ADGRL4: variants seen among roughly 807,000 people sequenced by gnomAD.
ADGRL4 encodes the protein EGF, latrophilin and seven transmembrane domain containing 1.
In ADGRL4, 90 loss-of-function variants were observed where a neutral mutation model predicts 74.8. The observed-to-expected ratio is 1.20, with a 90% confidence interval of 1.02 to 1.43. The LOEUF is 1.43. ADGRL4 is among the 40% of genes most tolerant of loss of function. The pLI, the probability that ADGRL4 is intolerant of heterozygous loss-of-function variation, is 0.00. For missense variants in ADGRL4, 881 were observed against 814.3 expected (o/e 1.08, Z -1.00); for synonymous variants, 311 against 279.2 (o/e 1.11, Z -1.14).
chr1:78,969,155 C>A (rs571949485), intron 2 of ADGRL4, among the ~76,000 whole-genome samples: 1 of 152,184 alleles, frequency 6.6e-6, no homozygotes, highest in Admixed American at 6.5e-5. Flanking sequence ...ATATTTGTCT[C>A]TCTTTCTCCC....
rs575489706 is a variant in ADGRL4, at chr1:78,996,979, A to G, written c.172+8091T>C. ...GAGTCACAAAATGAGTTTGAGTTCA[A>G]TCAAATGAAGCAGAGGTTCTGCAAC... On this transcript the variant is annotated intron_variant, in intron 2 of 14. Transcript: ENST00000370742. Among the ~76,000 whole-genome samples the G allele has an allele frequency of 2.6e-5, 4 of 152,312 alleles. No individual in the cohort carries two copies. In the East Asian group the frequency reaches 7.7e-4, roughly 29 times the overall value.
intron 2 of ADGRL4, among the ~76,000 whole-genome samples, chr1:79,002,102 C>T (rs1291817321): frequency 6.6e-6 from 1 of 151,836 alleles, no homozygotes; most frequent in Non-Finnish European, 1.5e-5. Flanking sequence ...CTGAAGAATT[C>T]CACTTAACGT....
At chr1:78,969,348 T>C (rs1650123498) in intron 2 of ADGRL4, among the ~76,000 whole-genome samples, 1 of 152,196 alleles carries the variant, frequency 6.6e-6, no homozygotes, top group South Asian at 2.1e-4. Flanking sequence ...AAGTTCAACT[T>C]GCAGAGCTGA....
intron 2 of ADGRL4, among the ~76,000 whole-genome samples, chr1:78,968,517 G>A (rs1200789502): frequency 8.2e-6 from 1 of 121,336 alleles, no homozygotes; most frequent in African/African-American, 3.0e-5. Flanking sequence ...GGGGTGGGGG[G>A]GAGACGGGGG....
In ADGRL4 at chr1:78,946,308, G is replaced by T; in HGVS notation, c.291C>A (p.Asp97Glu). 1 of 1,613,100 alleles carries T rather than the reference G, an allele frequency of 6.2e-7. No homozygotes were observed. Among genetic ancestry groups the T allele is most frequent in the Non-Finnish European group, 8.5e-7 (1 of 1,179,504 alleles). ...CGGTTCCATCATTAGTGATAAACCT[G>T]TCTTGGTTACTGCTGGATCTGAAGC... ...VPGFRSSSNQ[D>E]RFITNDGTVC... Residue 97 changes from aspartate to glutamate, a missense_variant, in exon 3 of 15, where the codon GAC becomes GAA. By Grantham distance (45) the Asp-to-Glu change is conservative. Coordinates refer to ENST00000370742, the MANE Select transcript of ADGRL4 (RefSeq NM_022159.4).
chr1:78,915,135 A>G (rs568356155), intron 12 of ADGRL4, among the ~76,000 whole-genome samples: 2 of 151,950 alleles, frequency 1.3e-5, no homozygotes, highest in Admixed American at 1.3e-4. Context: ...AGAATAGCTC[A>G]AGTCTTTGAG....
chr1:78,906,821 G>A (rs1648652341), intron 12 of ADGRL4, among the ~76,000 whole-genome samples: 1 of 151,656 alleles, frequency 6.6e-6, no homozygotes, highest in Non-Finnish European at 1.5e-5. Context: ...TAAATTCAAA[G>A]GTATATCTAA....
chr1:78,946,671 T>G (rs1649607742), intron 2 of ADGRL4, among the ~76,000 whole-genome samples: 1 of 152,294 alleles, frequency 6.6e-6, no homozygotes, highest in Admixed American at 6.5e-5. Flanking sequence ...ATATAACTAT[T>G]AAATCTATAT....
intron 2 of ADGRL4, among the ~76,000 whole-genome samples, chr1:78,982,751 C>A (rs1650421894): frequency 6.6e-6 from 1 of 151,682 alleles, no homozygotes; most frequent in South Asian, 2.1e-4. Flanking sequence ...TGAGGACAAA[C>A]ATAAATAGAA....
intron 12 of ADGRL4, among the ~76,000 whole-genome samples, chr1:78,909,347 A>G (rs1440332386): frequency 6.6e-6 from 1 of 151,936 alleles, no homozygotes; most frequent in Non-Finnish European, 1.5e-5. Flanking sequence ...AAGATACTTA[A>G]CATCCATGTC....
intron 10 of ADGRL4, among the ~76,000 whole-genome samples, chr1:78,919,446 AGGTAACGTTG>A (rs1648950373): frequency 6.6e-6 from 1 of 151,922 alleles, no homozygotes; most frequent in Non-Finnish European, 1.5e-5. Context: ...TTCCCCTGAC[AGGTAACGTTG>A]GCTCAAGGAC....
At chr1:78,905,626 T>C (rs1414569087) in intron 12 of ADGRL4, among the ~76,000 whole-genome samples, 1 of 152,018 alleles carries the variant, frequency 6.6e-6, no homozygotes, top group Non-Finnish European at 1.5e-5. Context: ...GCCATGCTCA[T>C]TGATGACTCC....
At chr1:78,910,533 A>G (rs1241552962) in intron 12 of ADGRL4, among the ~76,000 whole-genome samples, 2 of 151,860 alleles carry the variant, frequency 1.3e-5, no homozygotes, top group Non-Finnish European at 2.9e-5. Flanking sequence ...AGCAAATGCT[A>G]TTCTTCAATG....
At chr1:78,924,724 C>G (rs1370637249) in intron 8 of ADGRL4, among the ~76,000 whole-genome samples, 3 of 152,050 alleles carry the variant, frequency 2.0e-5, no homozygotes, top group African/African-American at 7.2e-5. Context: ...TTTATTAACA[C>G]CAGGGAAATG....
intron 4 of ADGRL4, 117 bp from the exon 5 acceptor site, chr1:78,938,396 T>C (rs1397208257): frequency 5.8e-6 from 4 of 688,760 alleles, no homozygotes; most frequent in Non-Finnish European, 9.0e-6. Flanking sequence ...TACACATAAA[T>C]AATATCAAAC....
At chr1:78,946,482 T>G (rs964815745) in intron 2 of ADGRL4, 56 bp from the exon 3 acceptor site, 6 of 1,439,570 alleles carry the variant, frequency 4.2e-6, no homozygotes, top group Non-Finnish European at 9.4e-7. Flanking sequence ...AAATTTTGAC[T>G]ATTTTCCATC....
At chr1:78,936,205 G>A in intron 7 of ADGRL4, 90 bp downstream of exon 7, 1 of 1,320,962 alleles carries the variant, frequency 7.6e-7, no homozygotes, top group South Asian at 1.4e-5. Flanking sequence ...GAAACCACAT[G>A]TTACATGTAC....
At chr1:78,931,934 T>G (rs1649250754) in intron 7 of ADGRL4, among the ~76,000 whole-genome samples, 1 of 151,418 alleles carries the variant, frequency 6.6e-6, no homozygotes, top group Non-Finnish European at 1.5e-5. Context: ...TAAAACAAGT[T>G]GTTAGAGACC....
intron 3 of ADGRL4, among the ~76,000 whole-genome samples, chr1:78,945,236 G>T (rs1649573908): frequency 6.7e-6 from 1 of 148,522 alleles, no homozygotes. Context: ...TTGTGATTTA[G>T]ATTAACTTGA....
Sources: gnomAD v4.1 joint callset for allele counts (sites outside exome capture counted in the v4.1 genomes callset) on GRCh38, gnomAD v4.1.1 for gene constraint, MANE v1.5 for transcripts, NCBI Gene and HGNC (gene_info 2026-07-23, HGNC 2026-07-21) for gene names.